Variants in LYRM4 observed in about 807,000 individuals in gnomAD.
LYRM4 encodes the protein LYR motif-containing protein 4.
In LYRM4, 9 loss-of-function variants were observed where a neutral mutation model predicts 11.7. The observed-to-expected ratio is 0.77, with a 90% CI of 0.46 to 1.34. The LOEUF (loss-of-function observed/expected upper bound fraction) is 1.34, where lower values mean the gene tolerates loss of function less well. Ranked by LOEUF, LYRM4 falls within the 40% of genes most tolerant of loss-of-function variation. The pLI, the probability that LYRM4 is intolerant of heterozygous loss-of-function variation, is 0.00. For missense variants in LYRM4, 133 were observed against 112.5 expected, an observed-to-expected ratio of 1.18 and a Z score of -0.82; for synonymous variants, 42 against 40.4, an observed-to-expected ratio of 1.04 and a Z score of -0.15.
chr6:5,250,990 C>T (rs1336376300), intron 1 of LYRM4, among the ~76,000 whole-genome samples: 1 of 152,178 alleles, frequency 6.6e-6, no homozygotes, highest in Non-Finnish European at 1.5e-5. Context: ...GTCTCCTCAG[C>T]CCCAGTACAT....
At chr6:5,058,179 G>T in the LYRM4 span, among the ~76,000 whole-genome samples, 5 of 152,090 alleles carry the variant, frequency 3.3e-5, no homozygotes, top group African/African-American at 4.8e-5. Context: ...GAGTCTACAC[G>T]GGGCTCTCTG....
chr6:5,214,374 A>C (rs914821381), intron 2 of LYRM4, among the ~76,000 whole-genome samples: 2 of 152,182 alleles, frequency 1.3e-5, no homozygotes, highest in Non-Finnish European at 2.9e-5. Context: ...GGGAGCAAGA[A>C]GTTCAAGGAA....
chr6:5,229,421 G>A (rs995140789), intron 1 of LYRM4, among the ~76,000 whole-genome samples: 5 of 152,170 alleles, frequency 3.3e-5, no homozygotes, highest in Non-Finnish European at 4.4e-5. Context: ...AAAGGCAGAC[G>A]TCTGATTACA....
intron 1 of LYRM4, among the ~76,000 whole-genome samples, chr6:5,246,570 G>A (rs56343430): frequency 0.029 from 4,340 of 152,272 alleles, 183 homozygotes; most frequent in African/African-American, 0.097. Flanking sequence ...GGGTGCAGGG[G>A]GGACTGAGAG....
intron 1 of LYRM4, among the ~76,000 whole-genome samples, chr6:5,248,773 T>C (rs1764307501): frequency 6.6e-6 from 1 of 152,254 alleles, no homozygotes; most frequent in South Asian, 2.1e-4. Context: ...CACCATGCTG[T>C]TGTAGAAATT....
chr6:5,073,855 C>T, the LYRM4 span, among the ~76,000 whole-genome samples: 5 of 152,182 alleles, frequency 3.3e-5, no homozygotes, highest in Admixed American at 6.5e-5. Context: ...CCGCCACACC[C>T]AGGGGAGTGG....
At chr6:5,119,417 C>A (rs1360551825) in intron 2 of LYRM4, among the ~76,000 whole-genome samples, 1 of 152,180 alleles carries the variant, frequency 6.6e-6, no homozygotes, top group Non-Finnish European at 1.5e-5. Context: ...CAATCATGAA[C>A]ACGCAGTTGT....
chr6:5,228,937 G>A (rs978926247), intron 1 of LYRM4, among the ~76,000 whole-genome samples: 2 of 145,254 alleles, frequency 1.4e-5, no homozygotes, highest in African/African-American at 2.6e-5. Context: ...CCGGGAGACA[G>A]AGCTTGCAGC....
At chr6:5,102,006 T>C (rs1487121335), downstream of LYRM4, among the ~76,000 whole-genome samples, 1 of 138,802 alleles carries the variant, frequency 7.2e-6, no homozygotes, top group Non-Finnish European at 1.5e-5. Flanking sequence ...TTGCCTAGGC[T>C]GGTCTTGAAC....
intron 2 of LYRM4, among the ~76,000 whole-genome samples, chr6:5,141,468 T>C (rs1188864385): frequency 6.6e-6 from 1 of 152,212 alleles, no homozygotes; most frequent in East Asian, 1.9e-4. Flanking sequence ...GGGCAGGAAC[T>C]TGTAAATACA....
At chr6:5,137,337 T>C (rs2127619448) in intron 2 of LYRM4, among the ~76,000 whole-genome samples, 1 of 152,310 alleles carries the variant, frequency 6.6e-6, no homozygotes, top group East Asian at 1.9e-4. Context: ...CGTTTTCATT[T>C]CTCTTGAGTA....
the LYRM4 span, among the ~76,000 whole-genome samples, chr6:5,081,740 A>G: frequency 1.9e-3 from 282 of 152,384 alleles, 2 homozygotes; most frequent in South Asian, 8.1e-3. Flanking sequence ...TTGTTGTAAC[A>G]TAATTGTTTT....
chr6:5,232,148 A>AT (rs1561888970), intron 1 of LYRM4, among the ~76,000 whole-genome samples: 1 of 152,212 alleles, frequency 6.6e-6, no homozygotes, highest in African/African-American at 2.4e-5. Flanking sequence ...AGTCTCAAAA[A>AT]AAACTGTTGA....
At chr6:5,086,455 G>T in the LYRM4 span, 1 of 1,536,856 alleles carries the variant, frequency 6.5e-7, no homozygotes, top group Non-Finnish European at 8.7e-7. Flanking sequence ...GCGCGGCGTC[G>T]CGGTCCACTT....
At chr6:5,123,726 C>T (rs968047118) in intron 2 of LYRM4, among the ~76,000 whole-genome samples, 3 of 152,228 alleles carry the variant, frequency 2.0e-5, no homozygotes, top group Non-Finnish European at 2.9e-5. Context: ...GGGCCCATGC[C>T]GATGGCCCAC....
chr6:5,185,502 C>T (rs1036238267), intron 2 of LYRM4, among the ~76,000 whole-genome samples: 3 of 152,308 alleles, frequency 2.0e-5, no homozygotes, highest in South Asian at 4.1e-4. Context: ...CTACTTCATC[C>T]GAGATGGGCT....
At chr6:5,086,407 C>T in the LYRM4 span, 1 of 1,536,206 alleles carries the variant, frequency 6.5e-7, no homozygotes, top group Admixed American at 2.0e-5. Flanking sequence ...GTGCCTGCCC[C>T]CGGGCCTGCA....
At chr6:5,119,268 C>T (rs1008462672) in intron 2 of LYRM4, among the ~76,000 whole-genome samples, 3 of 152,124 alleles carry the variant, frequency 2.0e-5, no homozygotes, top group African/African-American at 7.2e-5. Flanking sequence ...TAATATGTTT[C>T]GTCTTTGCTT....
At chr6:5,128,910 T>A (rs1763815958) in intron 2 of LYRM4, among the ~76,000 whole-genome samples, 1 of 152,252 alleles carries the variant, frequency 6.6e-6, no homozygotes, top group African/African-American at 2.4e-5. Flanking sequence ...GGGCAGCCAG[T>A]GCTTGGGCCT....
Sources: allele counts gnomAD v4.1 joint callset (sites outside exome capture counted in the v4.1 genomes callset), GRCh38; gene constraint gnomAD v4.1.1; transcripts MANE v1.5; gene names NCBI Gene and HGNC (gene_info 2026-07-23, HGNC 2026-07-21).